UGT2A2: variants seen among roughly 807,000 people sequenced by gnomAD.
UGT2A2 encodes the protein UDP glucuronosyltransferase family 2 member A2, also known as UDP-glucuronosyltransferase 2A2.
Under a neutral mutation model 50.7 loss-of-function variants are expected in UGT2A2, and 60 were observed. The ratio of observed to expected loss-of-function variants is 1.18; its 90% CI spans 0.96 to 1.47. UGT2A2 has a LOEUF of 1.47. Ranked by LOEUF, UGT2A2 falls within the 40% of genes most tolerant of loss-of-function variation. UGT2A2 has a pLI of 0.00. For synonymous variants in UGT2A2, 242 were observed against 214.6 expected, an observed-to-expected ratio of 1.13 and a Z score of -1.11; for missense variants, 762 against 634.0, an observed-to-expected ratio of 1.20 and a Z score of -2.17.
intron 1 of UGT2A2, among the ~76,000 whole-genome samples, chr4:69,609,760 T>C (rs1248078951): frequency 6.6e-6 from 1 of 152,142 alleles, no homozygotes; most frequent in Non-Finnish European, 1.5e-5. Flanking sequence ...CAATTGTTCT[T>C]CTGGAACAGG....
intron 1 of UGT2A2, chr4:69,635,693 G>C (rs1167679576): frequency 3.5e-6 from 1 of 283,516 alleles, no homozygotes; most frequent in Non-Finnish European, 7.1e-6. Flanking sequence ...AGCCTGACCT[G>C]CTGGCAGCCT....
chr4:69,600,809 TA>T lies in UGT2A2; in HGVS notation c.743-1416del, dbSNP rs34446108. Among the ~76,000 whole-genome samples the T allele has an allele frequency of 5.7e-4, 83 of 145,836 alleles. 1 individual carries two copies. Among genetic ancestry groups the T allele is most frequent in the Non-Finnish European group, 9.1e-4 (60 of 66,172 alleles). ...AGTGAGGGCAAAGGTGCTATACACT[TA>T]AAAAAAAAAACAGATCTCGTGATAA... is the stretch of plus-strand genomic sequence containing the variant. On this transcript the variant is annotated intron_variant, in intron 1 of 5. Transcript: ENST00000604629.
At chr4:69,618,213 GTGTATGTTTGTGTGTGTGTGTGTGTA>G (rs1553905699) in intron 1 of UGT2A2, among the ~76,000 whole-genome samples, 1 of 98,276 alleles carries the variant, frequency 1.0e-5, no homozygotes, top group Non-Finnish European at 2.1e-5. Context: ...GTGTGTGTGT[GTGTATGTTTGTGTGTGTGTGTGTGTA>G]TGTGTGTGTT....
At chr4:69,611,869 A>ATTAC (rs931291802) in intron 1 of UGT2A2, among the ~76,000 whole-genome samples, 2 of 152,180 alleles carry the variant, frequency 1.3e-5, no homozygotes, top group Non-Finnish European at 2.9e-5. Flanking sequence ...AGTTTCCCTC[A>ATTAC]TTACACATAC....
intron 1 of UGT2A2, among the ~76,000 whole-genome samples, chr4:69,608,604 G>A (rs1400790139): frequency 1.3e-5 from 2 of 151,596 alleles, no homozygotes; most frequent in African/African-American, 4.8e-5. Flanking sequence ...AGGCTGAGAG[G>A]GAGTCAGGGA....
Position 69,609,051 on chromosome 4 carries a change from C to T in UGT2A2, c.743-9657G>A, listed in dbSNP as rs187171993. ...TCACTTCCATTAAATTTAAAATCTA[C>T]GATTCATTATCTGATATTAAAAGAT... On this transcript the variant is annotated intron_variant, in intron 1 of 5. Transcript: ENST00000604629. Among the ~76,000 whole-genome samples the T allele has an allele frequency of 7.4e-4, 112 of 151,726 alleles. 1 individual carries two copies. The highest frequency in any genetic ancestry group is 2.5e-3 in the African/African-American group (105 of 41,402).
intron 5 of UGT2A2, among the ~76,000 whole-genome samples, chr4:69,591,674 A>G (rs1168642739): frequency 6.6e-6 from 1 of 152,160 alleles, no homozygotes; most frequent in African/African-American, 2.4e-5. Flanking sequence ...CTGAGGAGGA[A>G]GTCCATTTGG....
chr4:69,595,184 CCAAT>C lies in UGT2A2; in HGVS notation c.1085_1088del (p.Asp362GlyfsTer51). 1 of 1,613,794 alleles carries C rather than the reference CCAAT, an allele frequency of 6.2e-7. No individual in the cohort carries two copies. The highest frequency in any genetic ancestry group is 8.5e-7 in the Non-Finnish European group (1 of 1,179,862). On this transcript the variant is annotated frameshift_variant, in exon 4 of 6. Transcript: ENST00000604629. LOFTEE classifies it high-confidence loss of function. ...TACCAAGAAGATCATTCTGGGGTAT[CCAAT>C]CAAAGAGCTGAGTATTGTTTCCTAA...
chr4:69,623,907 A>G (rs984665205), intron 1 of UGT2A2, among the ~76,000 whole-genome samples: 5 of 151,636 alleles, frequency 3.3e-5, no homozygotes, highest in Non-Finnish European at 7.4e-5. Context: ...GATTTTACAA[A>G]ATTAATGCTG....
chr4:69,608,459 T>C (rs1385945131), intron 1 of UGT2A2, among the ~76,000 whole-genome samples: 2 of 151,668 alleles, frequency 1.3e-5, no homozygotes, highest in Admixed American at 1.3e-4. Flanking sequence ...TTGGGAAATA[T>C]ACCTAATGTT....
At chr4:69,627,684 T>C (rs564547123) in intron 1 of UGT2A2, among the ~76,000 whole-genome samples, 7 of 151,916 alleles carry the variant, frequency 4.6e-5, no homozygotes, top group African/African-American at 1.7e-4. Context: ...AGAACAAATA[T>C]ATTTAAGGTT....
Position 69,625,552 on chromosome 4 carries a change from T to A in UGT2A2, c.742+13347A>T, listed in dbSNP as rs542197267. On this transcript the variant is annotated intron_variant, in intron 1 of 5. Transcript: ENST00000604629. ...TGTCCAATCTATTAATACTATCCAATGTATTTTTAATTTTAGATATTGTGT... is the reference window on the plus strand; with the variant it reads ...TGTCCAATCTATTAATACTATCCAAAGTATTTTTAATTTTAGATATTGTGT... Among the ~76,000 whole-genome samples, 110 of 151,468 alleles carry A rather than the reference T, an allele frequency of 7.3e-4. 1 individual carries two copies. Among genetic ancestry groups the A allele is most frequent in the African/African-American group, 2.4e-3 (99 of 41,488 alleles).
intron 1 of UGT2A2, among the ~76,000 whole-genome samples, chr4:69,630,348 CT>C (rs1438164624): frequency 6.6e-6 from 1 of 152,004 alleles, no homozygotes; most frequent in Admixed American, 6.6e-5. Context: ...CGTCTTTACT[CT>C]TTATAACTCC....
At chr4:69,608,100 G>T (rs1251535599) in intron 1 of UGT2A2, among the ~76,000 whole-genome samples, 7 of 152,064 alleles carry the variant, frequency 4.6e-5, no homozygotes, top group Admixed American at 3.9e-4. Context: ...AAATCATTCT[G>T]CTATAAAGAC....
At chr4:69,604,395 C>A (rs937021786) in intron 1 of UGT2A2, among the ~76,000 whole-genome samples, 2 of 136,286 alleles carry the variant, frequency 1.5e-5, no homozygotes, top group Non-Finnish European at 3.1e-5. Context: ...CCACCAGGCC[C>A]GCCCTAAAAG....
intron 1 of UGT2A2, among the ~76,000 whole-genome samples, chr4:69,630,243 C>T (rs17618178): frequency 0.26 from 39,829 of 151,892 alleles, 5,644 homozygotes; most frequent in African/African-American, 0.34. Context: ...GGCTACGATT[C>T]ATTTTTTTCT....
At chr4:69,595,096 C>T (rs577143867) in intron 4 of UGT2A2, 66 bp downstream of exon 4, 88 of 1,561,274 alleles carry the variant, frequency 5.6e-5, no homozygotes, top group East Asian at 1.8e-4. Context: ...AATTTATTTG[C>T]TATTAAACAG....
intron 1 of UGT2A2, among the ~76,000 whole-genome samples, chr4:69,612,697 T>C (rs1307452736): frequency 6.6e-6 from 1 of 151,808 alleles, no homozygotes; most frequent in Non-Finnish European, 1.5e-5. Context: ...AGAAACCGGA[T>C]TGTCACAATT....
chr4:69,638,797 C>A, intron 1 of UGT2A2, 102 bp downstream of exon 1: 6 of 1,377,040 alleles, frequency 4.4e-6, no homozygotes, highest in Non-Finnish European at 5.8e-6. Flanking sequence ...AGTCCATTAT[C>A]TTCAGCTCAG....
Sources: gnomAD v4.1 joint callset for allele counts (sites outside exome capture counted in the v4.1 genomes callset) on GRCh38, gnomAD v4.1.1 for gene constraint, MANE v1.5 for transcripts, NCBI Gene and HGNC (gene_info 2026-07-23, HGNC 2026-07-21) for gene names.